Variants in CRAMP1 observed in about 807,000 individuals in gnomAD.
CRAMP1 encodes cramped chromatin regulator 1.
In CRAMP1, 50 loss-of-function variants were observed where a neutral mutation model predicts 115.4. The ratio of observed to expected loss-of-function variants is 0.43; its 90% CI spans 0.35 to 0.55. The LOEUF is 0.55. CRAMP1 is among the 20% of genes least tolerant of loss of function. The probability of loss-of-function intolerance (pLI) is 0.01; values close to 1 mark genes in which losing one functional copy is unlikely to be tolerated. For missense variants in CRAMP1, 1,679 were observed against 1,721.7 expected, an observed-to-expected ratio of 0.98 and a Z score of 0.44; for synonymous variants, 866 against 745.4, an observed-to-expected ratio of 1.16 and a Z score of -2.64.
At chr16:1,673,352 G>A (rs1053874595) in intron 20 of CRAMP1, among the ~76,000 whole-genome samples, 4 of 149,328 alleles carry the variant, frequency 2.7e-5, no homozygotes, top group African/African-American at 5.0e-5. Flanking sequence ...TGACGGGAAC[G>A]TGTCCCCCAC....
At chr16:1,615,606 T>G (rs2036412079) in intron 2 of CRAMP1, among the ~76,000 whole-genome samples, 1 of 152,234 alleles carries the variant, frequency 6.6e-6, no homozygotes, top group East Asian at 1.9e-4. Flanking sequence ...CAGCTTGTAG[T>G]GTTCGCCCTT....
At chr16:1,645,659 A>T (rs2036668390) in intron 6 of CRAMP1, among the ~76,000 whole-genome samples, 1 of 152,078 alleles carries the variant, frequency 6.6e-6, no homozygotes, top group African/African-American at 2.4e-5. Flanking sequence ...CACTGCCCTG[A>T]ACACCCTGTG....
Position 1,677,701 on chromosome 16 carries a change from A to G in CRAMP1, c.*3656A>G, listed in dbSNP as rs2036982364. On this transcript the variant is annotated 3_prime_UTR_variant, in exon 21 of 21. Coordinates refer to ENST00000397412, the MANE Select transcript of CRAMP1 (RefSeq NM_020825.4). ...TTTTATAGATTATAAATATGCATATACAGTGTATGTATAAAGCAGAATGCC... is the reference window on the plus strand; with the variant it reads ...TTTTATAGATTATAAATATGCATATGCAGTGTATGTATAAAGCAGAATGCC... 1 of 152,666 alleles carries G rather than the reference A, an allele frequency of 6.6e-6. No homozygotes were observed. 9.5% of individuals were successfully genotyped at this position (152,666 alleles called of 1,614,324 possible).
At chr16:1,653,894 C>G (rs2036746608) in intron 8 of CRAMP1, among the ~76,000 whole-genome samples, 1 of 150,902 alleles carries the variant, frequency 6.6e-6, no homozygotes, top group Non-Finnish European at 1.5e-5. Context: ...GTAATCCCAG[C>G]ACTTTGGGAG....
In CRAMP1 at chr16:1,614,784, G is replaced by C; in HGVS notation, c.145G>C (p.Glu49Gln). The change falls in exon 2 of 21, where the codon GAG (glutamate) becomes CAG (glutamine). Residue 49 changes from glutamate (E) to glutamine (Q), a missense_variant. Around this residue, in one of 8 missense-constraint regions of CRAMP1, gnomAD observed 264 missense variants for 229.7 expected, o/e 1.15. Coordinates refer to ENST00000397412, the MANE Select transcript of CRAMP1 (RefSeq NM_020825.4). The surrounding 1 kb of genome is among the most constrained non-coding windows in gnomAD (Gnocchi z 4.4). ...AEESSGTKRDEKTPRAGADGP... is the reference protein window; with the variant it reads ...AEESSGTKRDQKTPRAGADGP... ...GGAGAGCAGCGGCACAAAGAGGGAC[G>C]AGAAGACCCCCCGGGCCGGCGCCGA... 7.4e-7 allele frequency: 1 copy of C among 1,349,314 alleles called. No homozygotes were observed. Among genetic ancestry groups the C allele is most frequent in the Non-Finnish European group, 9.6e-7 (1 of 1,041,158 alleles). 83.6% of individuals were successfully genotyped at this position (1,349,314 alleles called of 1,614,324 possible).
chr16:1,666,584 C>T lies in CRAMP1; in HGVS notation c.3020C>T (p.Thr1007Ile). 1.9e-6 allele frequency: 3 copies of T among 1,613,832 alleles called. No individual in the cohort carries two copies. The highest frequency in any genetic ancestry group is 2.7e-5 in the African/African-American group (2 of 75,048). ...DSTGTHQDGD[T>I]LPTVGGSDPF... The stretch of plus-strand genomic sequence containing the variant: ...ACTGGAACTCACCAGGATGGAGACA[C>T]CCTCCCCACCGTGGGGGTGAGTATG... The change falls in exon 16 of 21, where the codon ACC becomes ATC. Residue 1007 changes from threonine to isoleucine, a missense_variant. Physicochemically the swap from Thr to Ile is moderately conservative, Grantham distance 89 (BLOSUM62 -1). Transcript: ENST00000397412. This position sits in a 1 kb window ranked among gnomAD's most constrained non-coding sequence, Gnocchi z 5.0.
In CRAMP1 at chr16:1,668,184, G is replaced by A. The variant is rs551374666; in HGVS notation, c.3325G>A (p.Gly1109Ser). The change falls in exon 18 of 21, where the codon GGT becomes AGT. Residue 1109 changes from glycine (G) to serine (S), a missense_variant. Around this residue, in one of 8 missense-constraint regions of CRAMP1, gnomAD observed 709 missense variants for 741.9 expected, o/e 0.96. Transcript: ENST00000397412. ...CATCATTGAGATCGCCATCAGCTCC[G>A]GTCAGTACGGTAAGGGCAGGGCGGC... ...DSIIEIAISS[G>S]QYGEGVPLSP... The A allele has an allele frequency of 1.4e-5, 22 of 1,612,806 alleles. No homozygotes were observed. In the African/African-American group the frequency reaches 1.7e-4, roughly 13 times the overall value.
intron 6 of CRAMP1, among the ~76,000 whole-genome samples, chr16:1,643,585 G>A (rs1397562247): frequency 8.5e-5 from 13 of 152,158 alleles, no homozygotes. Context: ...TCTGCCGAGG[G>A]AAGGGCAAGA....
rs565571892 is a variant in CRAMP1 at position 1,625,742 on chromosome 16, C to G, written c.347-231C>G. On this transcript the variant is annotated intron_variant, in intron 2 of 20. Coordinates refer to ENST00000397412, the MANE Select transcript of CRAMP1 (RefSeq NM_020825.4). ...ACATGGTTCCACATAAAATCTTGCT[C>G]CTTTTCTAACTGTAAAAACATTTGA... The G allele has an allele frequency of 1.1e-5, 5 of 466,236 alleles. No homozygotes were observed. In the South Asian group the frequency reaches 1.2e-4, roughly 11 times the overall value. 28.9% of individuals were successfully genotyped at this position (466,236 alleles called of 1,614,324 possible).
intron 3 of CRAMP1, among the ~76,000 whole-genome samples, chr16:1,631,108 G>A (rs548942822): frequency 6.6e-6 from 1 of 152,348 alleles, no homozygotes; most frequent in South Asian, 2.1e-4. Context: ...TTACTGTGCT[G>A]TTTGCTCCCA....
At chr16:1,632,506 A>G (rs1329109039) in intron 4 of CRAMP1, 141 bp downstream of exon 4, 2 of 862,672 alleles carry the variant, frequency 2.3e-6, no homozygotes, top group African/African-American at 1.7e-5. Context: ...CTCGCCTTGC[A>G]GCGCTTTGGC....
rs1192836972 is a variant in CRAMP1, at chr16:1,637,808, C to G, written c.695-16C>G. On this transcript the variant is annotated splice_polypyrimidine_tract_variant and intron_variant, in intron 4 of 20. Coordinates refer to ENST00000397412, the MANE Select transcript of CRAMP1 (RefSeq NM_020825.4). ...CTGTTCCCCTCTCTAAAGCCGCCTT[C>G]TCTTCTGTTTCTCAGTGTTCTCTCG... 1 of 1,448,852 alleles carries G rather than the reference C, an allele frequency of 6.9e-7. No homozygotes were observed. The highest frequency in any genetic ancestry group is 9.3e-7 in the Non-Finnish European group (1 of 1,080,908). 89.7% of individuals were successfully genotyped at this position (1,448,852 alleles called of 1,614,324 possible).
At chr16:1,654,811 A>G (rs913319861) in intron 8 of CRAMP1, among the ~76,000 whole-genome samples, 1 of 152,216 alleles carries the variant, frequency 6.6e-6, no homozygotes, top group Non-Finnish European at 1.5e-5. Flanking sequence ...TTCACCCATC[A>G]TAGCGCATCA....
intron 2 of CRAMP1, among the ~76,000 whole-genome samples, chr16:1,618,949 C>A (rs984282236): frequency 2.0e-5 from 3 of 152,154 alleles, no homozygotes; most frequent in Non-Finnish European, 1.5e-5. Flanking sequence ...TTTCAAATAC[C>A]TGTATACTTT....
At chr16:1,624,712 C>G (rs2036494801) in intron 2 of CRAMP1, among the ~76,000 whole-genome samples, 1 of 152,198 alleles carries the variant, frequency 6.6e-6, no homozygotes, top group Non-Finnish European at 1.5e-5. Context: ...TCCCGAGTAG[C>G]TGGGACTACA....
intron 8 of CRAMP1, 79 bp from the exon 9 acceptor site, chr16:1,655,140 G>A: frequency 3.9e-6 from 5 of 1,293,892 alleles, no homozygotes; most frequent in East Asian, 2.3e-5. Context: ...CCCTCCTGCT[G>A]TAAGCAGCCT....
chr16:1,635,149 C>T lies in CRAMP1; in HGVS notation c.695-2675C>T, dbSNP rs188684037. On this transcript the variant is annotated intron_variant, in intron 4 of 20. Transcript: ENST00000397412. ...CTGAGCTCAGGAAATCCACCTGCCT[C>T]GGCCTCCCAAAGTGCAAGGATTACA... is the stretch of plus-strand genomic sequence containing the variant. 6.6e-5 allele frequency among the ~76,000 whole-genome samples: 10 copies of T among 152,302 alleles called. No homozygotes were observed. The East Asian group carries it at 1.2e-3, about 18-fold the overall frequency.
At chr16:1,618,397 A>G (rs2036438952) in intron 2 of CRAMP1, among the ~76,000 whole-genome samples, 1 of 152,220 alleles carries the variant, frequency 6.6e-6, no homozygotes, top group African/African-American at 2.4e-5. Flanking sequence ...ACAGGACTGC[A>G]GGAGGAGGCT....
rs746616799 is a variant in CRAMP1, at chr16:1,651,257, C to T, written c.828-1239C>T. On this transcript the variant is annotated intron_variant, in intron 6 of 20. Transcript: ENST00000397412. ...TTGGACAGGTTACACAGAGGTCACA[C>T]GGTGGACTGAGATCACGGAGAGCTG... is the stretch of plus-strand genomic sequence containing the variant. Among the ~76,000 whole-genome samples, 7 of 148,884 alleles carry T rather than the reference C, an allele frequency of 4.7e-5. 1 individual carries two copies. In the South Asian group the frequency reaches 6.4e-4, roughly 14 times the overall value.
Sources: allele counts gnomAD v4.1 joint callset (sites outside exome capture counted in the v4.1 genomes callset), GRCh38; gene constraint gnomAD v4.1.1; regional missense constraint gnomAD v4.1.1; non-coding constraint Gnocchi (gnomAD v3.1); transcripts MANE v1.5; gene names NCBI Gene and HGNC (gene_info 2026-07-23, HGNC 2026-07-21).